The following NELL1 variants were observed in gnomAD, a reference collection of about 807,000 sequenced individuals.
NELL1 encodes protein kinase C-binding protein NELL1.
NELL1 carries 76 observed loss-of-function variants against 107.4 expected under a neutral mutation model. The observed-to-expected ratio is 0.71, with a 90% CI of 0.59 to 0.86. The LOEUF (loss-of-function observed/expected upper bound fraction) is 0.86. Among genes scored for constraint, NELL1 ranks in the 40% least tolerant of loss-of-function variants. NELL1 has a pLI of 0.00. For synonymous variants in NELL1, 353 were observed against 341.2 expected (o/e 1.03, Z -0.38); for missense variants, 1,024 against 1,005.5 (o/e 1.02, Z -0.25).
At chr11:21,167,605 CTTA>C (rs1258245473) in intron 13 of NELL1, among the ~76,000 whole-genome samples, 1 of 151,906 alleles carries the variant, frequency 6.6e-6, no homozygotes, top group East Asian at 1.9e-4. Context: ...TGACGAATAC[CTTA>C]TTATAGTTGC....
At chr11:21,334,652 C>T (rs958891517) in intron 14 of NELL1, among the ~76,000 whole-genome samples, 13 of 152,018 alleles carry the variant, frequency 8.6e-5, no homozygotes, top group Admixed American at 3.3e-4. Context: ...CATACCCTCA[C>T]GCCTACAATT....
intron 16 of NELL1, among the ~76,000 whole-genome samples, chr11:21,552,390 C>G (rs1856613809): frequency 6.6e-6 from 1 of 151,680 alleles, no homozygotes; most frequent in African/African-American, 2.4e-5. Flanking sequence ...AGGAGTCTGA[C>G]TAGTGTTCAG....
rs532856265 is a variant in NELL1, at chr11:21,153,396, G to C, written c.1426+39682G>C. Among the ~76,000 whole-genome samples the C allele has an allele frequency of 3.9e-5, 6 of 152,006 alleles. No homozygotes were observed. The East Asian group carries it at 9.7e-4, about 25-fold the overall frequency. ...AGTAAACTAAGATTTCTTTTATGGG[G>C]GCGTGTAGAACAGAGTTGTAAGAAA... is the stretch of plus-strand genomic sequence containing the variant. On this transcript the variant is annotated intron_variant, in intron 13 of 19. Coordinates refer to ENST00000357134, the MANE Select transcript of NELL1 (RefSeq NM_006157.5).
chr11:21,148,131 T>G (rs891508777), intron 13 of NELL1, among the ~76,000 whole-genome samples: 4 of 152,184 alleles, frequency 2.6e-5, no homozygotes, highest in African/African-American at 9.7e-5. Context: ...GCATCTCTGT[T>G]GTCAAAGAAC....
At chr11:21,250,233 G>A (rs1280575142) in intron 14 of NELL1, among the ~76,000 whole-genome samples, 3 of 152,184 alleles carry the variant, frequency 2.0e-5, no homozygotes. Context: ...ACAGGGATCT[G>A]TGTAGAGGAG....
chr11:21,039,550 A>T (rs957986129), intron 12 of NELL1, among the ~76,000 whole-genome samples: 1 of 152,176 alleles, frequency 6.6e-6, no homozygotes, highest in Non-Finnish European at 1.5e-5. Flanking sequence ...ATGACCCCTA[A>T]AGAAAAAGTT....
intron 2 of NELL1, among the ~76,000 whole-genome samples, chr11:20,768,285 G>A (rs1856574711): frequency 6.6e-6 from 1 of 152,172 alleles, no homozygotes; most frequent in African/African-American, 2.4e-5. Context: ...TTGAATCCAG[G>A]CTGTTGTGCT....
At chr11:20,863,885 C>T (rs1849042565) in intron 4 of NELL1, among the ~76,000 whole-genome samples, 2 of 152,194 alleles carry the variant, frequency 1.3e-5, no homozygotes, top group South Asian at 2.1e-4. Context: ...GCTGGCGGAT[C>T]ACTCGCGGTT....
intron 3 of NELL1, among the ~76,000 whole-genome samples, chr11:20,790,921 CA>C (rs1190202233): frequency 2.0e-5 from 3 of 152,314 alleles, no homozygotes; most frequent in African/African-American, 7.2e-5. Flanking sequence ...CCGCTACTAT[CA>C]TTACTTCTAT....
intron 4 of NELL1, among the ~76,000 whole-genome samples, chr11:20,883,482 T>C (rs1849447823): frequency 6.6e-6 from 1 of 152,204 alleles, no homozygotes; most frequent in South Asian, 2.1e-4. Context: ...CGAAAGCTCG[T>C]CTAACTGTGA....
intron 2 of NELL1, among the ~76,000 whole-genome samples, chr11:20,767,158 A>C (rs148145137): frequency 0.011 from 1,679 of 152,302 alleles, 32 homozygotes; most frequent in African/African-American, 0.038. Flanking sequence ...GCTGACTTCA[A>C]GAATGAAGCT....
intron 15 of NELL1, among the ~76,000 whole-genome samples, chr11:21,429,045 A>G (rs907250826): frequency 6.6e-6 from 1 of 152,220 alleles, no homozygotes; most frequent in Non-Finnish European, 1.5e-5. Context: ...GAGGCTTTAA[A>G]TAATAGACCT....
At chr11:20,918,034 G>A in intron 5 of NELL1, 148 bp from the exon 6 acceptor site, 1 of 624,084 alleles carries the variant, frequency 1.6e-6, no homozygotes, top group South Asian at 1.9e-5. Flanking sequence ...CTTTAGAGTA[G>A]TTCAGTATAT....
chr11:21,459,037 C>T (rs1229022435), intron 15 of NELL1, among the ~76,000 whole-genome samples: 1 of 152,038 alleles, frequency 6.6e-6, no homozygotes, highest in African/African-American at 2.4e-5. Flanking sequence ...AAGTTTTACA[C>T]ACTCTAGAAA....
chr11:21,141,691 G>A (rs1009941884), intron 13 of NELL1, among the ~76,000 whole-genome samples: 2 of 152,056 alleles, frequency 1.3e-5, no homozygotes, highest in African/African-American at 2.4e-5. Context: ...ACTTAGGAAC[G>A]CAGAGAACAG....
intron 14 of NELL1, among the ~76,000 whole-genome samples, chr11:21,355,583 A>T (rs144972726): frequency 6.6e-6 from 1 of 152,212 alleles, no homozygotes; most frequent in Middle Eastern, 3.2e-3. Context: ...TCATGCTTTT[A>T]CTAAGCCAAA....
At position 21,573,332 on chromosome 11, in the gene NELL1, G is replaced by C; in HGVS notation, c.2305G>C (p.Asp769His). Residue 769 changes from aspartate to histidine, a missense_variant, in exon 19 of 20, where the codon GAC becomes CAC. Coordinates refer to ENST00000357134, the MANE Select transcript of NELL1 (RefSeq NM_006157.5). ...CTATGACATCAGAAAAACTTGCCTG[G>C]ACAGCTATGGTGTTTCACGGCTTAG... ...ITYDIRKTCL[D>H]SYGVSRLSGS... 1 of 1,612,498 alleles carries C rather than the reference G, an allele frequency of 6.2e-7. No homozygotes were observed. Among genetic ancestry groups the C allele is most frequent in the Admixed American group, 1.7e-5 (1 of 59,892 alleles).
chr11:21,299,316 C>G (rs1327058533), intron 14 of NELL1, among the ~76,000 whole-genome samples: 2 of 151,908 alleles, frequency 1.3e-5, no homozygotes, highest in Non-Finnish European at 2.9e-5. Flanking sequence ...ATGCAGACAT[C>G]GCATTCTGCT....
At chr11:20,969,854 A>C (rs1851460712) in intron 12 of NELL1, among the ~76,000 whole-genome samples, 3 of 152,156 alleles carry the variant, frequency 2.0e-5, no homozygotes, top group African/African-American at 7.2e-5. Flanking sequence ...TGTGGAAGCT[A>C]AATAAGATAT....
Sources: allele counts gnomAD v4.1 joint callset (sites outside exome capture counted in the v4.1 genomes callset), GRCh38; gene constraint gnomAD v4.1.1; transcripts MANE v1.5; gene names NCBI Gene and HGNC (gene_info 2026-07-23, HGNC 2026-07-21).